MTNAP1: variants seen among roughly 807,000 people sequenced by gnomAD.
MTNAP1 encodes the protein mitochondrial nucleoid-associated protein 1.
chr17:73,243,295 T>C, the MTNAP1 span: 200,870 of 389,650 alleles, frequency 0.52, 52,220 homozygotes, highest in East Asian at 0.63. Context: ...GCTGGGATTA[T>C]AGGCATGCAC....
the MTNAP1 span, chr17:73,247,421 G>A: frequency 7.1e-7 from 1 of 1,406,728 alleles, no homozygotes; most frequent in Non-Finnish European, 1.0e-6. Context: ...GAATTGCCCT[G>A]TAACACCTAA....
chr17:73,248,913 C>G, the MTNAP1 span: 5 of 178,702 alleles, frequency 2.8e-5, no homozygotes, highest in Non-Finnish European at 4.7e-5. Context: ...CATCTACATA[C>G]TACTTCCGCC....
At chr17:73,237,135 AGTT>A in the MTNAP1 span, 1 of 938,050 alleles carries the variant, frequency 1.1e-6, no homozygotes, top group Non-Finnish European at 1.5e-6. Context: ...CTGCATATAA[AGTT>A]GTCCTGAAAG....
At chr17:73,243,344 G>A in the MTNAP1 span, 1 of 350,682 alleles carries the variant, frequency 2.9e-6, no homozygotes, top group East Asian at 7.5e-5. Context: ...AGTAGAGACG[G>A]GGTTTCTCCA....
chr17:73,235,738 C>G, the MTNAP1 span: 1 of 1,614,146 alleles, frequency 6.2e-7, no homozygotes, highest in South Asian at 1.1e-5. Flanking sequence ...GGTGGACAAA[C>G]CAGAACAGAC....
chr17:73,245,231 G>T, the MTNAP1 span: 3 of 1,612,038 alleles, frequency 1.9e-6, no homozygotes, highest in Non-Finnish European at 2.5e-6. Flanking sequence ...AACAGCAAAG[G>T]GCGTACAGTG....
chr17:73,235,754 A>G, the MTNAP1 span: 4 of 1,614,196 alleles, frequency 2.5e-6, no homozygotes, highest in Non-Finnish European at 3.4e-6. Context: ...CAGACAGTGA[A>G]GACCTTTCCA....
At chr17:73,236,230 A>G in the MTNAP1 span, 1 of 1,614,232 alleles carries the variant, frequency 6.2e-7, no homozygotes, top group Non-Finnish European at 8.5e-7. Context: ...AAGCAATGAG[A>G]GAGATTCCAA....
chr17:73,241,849 AAC>A, the MTNAP1 span, among the ~76,000 whole-genome samples: 1 of 152,178 alleles, frequency 6.6e-6, no homozygotes, highest in Non-Finnish European at 1.5e-5. Flanking sequence ...GAATCACTCG[AAC>A]CCAGGAGGTA....
chr17:73,239,791 G>A, the MTNAP1 span, among the ~76,000 whole-genome samples: 3 of 152,168 alleles, frequency 2.0e-5, no homozygotes, highest in Non-Finnish European at 4.4e-5. Flanking sequence ...AAAGTGCTGG[G>A]ATTACAGGTG....
the MTNAP1 span, among the ~76,000 whole-genome samples, chr17:73,238,745 G>A: frequency 6.6e-6 from 1 of 152,116 alleles, no homozygotes; most frequent in African/African-American, 2.4e-5. Flanking sequence ...CTATTTTGTG[G>A]ATGATGAAAC....
the MTNAP1 span, chr17:73,237,023 C>T: frequency 6.6e-7 from 1 of 1,507,360 alleles, no homozygotes; most frequent in Non-Finnish European, 8.8e-7. Flanking sequence ...CAATTGCCAT[C>T]TGTCCCATCC....
chr17:73,238,318 C>T, the MTNAP1 span, among the ~76,000 whole-genome samples: 1 of 151,662 alleles, frequency 6.6e-6, no homozygotes, highest in Non-Finnish European at 1.5e-5. Context: ...GTGTAGTGGC[C>T]ATTGGTGCTT....
the MTNAP1 span, among the ~76,000 whole-genome samples, chr17:73,241,639 T>A: frequency 6.6e-6 from 1 of 152,020 alleles, no homozygotes; most frequent in Admixed American, 6.6e-5. Flanking sequence ...TGATAGAATA[T>A]GTAAAAGAGG....
At chr17:73,243,141 A>G in the MTNAP1 span, 11 of 711,194 alleles carry the variant, frequency 1.5e-5, no homozygotes, top group South Asian at 1.4e-4. Flanking sequence ...TGAATGAGCT[A>G]TTGCCTGGGG....
chr17:73,248,262 G>A, the MTNAP1 span: 1 of 513,198 alleles, frequency 1.9e-6, no homozygotes, highest in Non-Finnish European at 3.5e-6. Context: ...ACGAATAGTA[G>A]ACAAGTAAGA....
At chr17:73,245,756 T>C in the MTNAP1 span, 7 of 976,174 alleles carry the variant, frequency 7.2e-6, no homozygotes, top group Non-Finnish European at 8.5e-6. Flanking sequence ...CTTACAAATA[T>C]TTTTAAGCTG....
the MTNAP1 span, chr17:73,236,685 G>C: frequency 6.2e-7 from 1 of 1,614,178 alleles, no homozygotes. Context: ...CTGATGTAAA[G>C]GCATTAATGG....
the MTNAP1 span, chr17:73,237,084 TTCAG>T: frequency 2.0e-5 from 26 of 1,270,100 alleles, no homozygotes; most frequent in Non-Finnish European, 2.6e-5. Flanking sequence ...TACTAACATT[TTCAG>T]TCATTTAGTT....
Sources: allele counts gnomAD v4.1 joint callset (sites outside exome capture counted in the v4.1 genomes callset), GRCh38; gene constraint gnomAD v4.1.1; transcripts MANE v1.5; gene names NCBI Gene and HGNC (gene_info 2026-07-23, HGNC 2026-07-21).